Variants in PHACTR4 observed in about 807,000 individuals in gnomAD.
PHACTR4 encodes protein phosphatase 1, regulatory subunit 124.
In PHACTR4, 51 loss-of-function variants were observed where a neutral mutation model predicts 72.7. The observed-to-expected ratio is 0.70, with a 90% CI of 0.56 to 0.89. The LOEUF (loss-of-function observed/expected upper bound fraction) is 0.89. Ranked by LOEUF, PHACTR4 falls within the 40% of genes least tolerant of loss-of-function variation. PHACTR4 has a pLI of 0.00. For missense variants in PHACTR4, 731 were observed against 861.8 expected (o/e 0.85, Z 1.90); for synonymous variants, 255 against 302.5 (o/e 0.84, Z 1.63).
intron 8 of PHACTR4, among the ~76,000 whole-genome samples, chr1:28,478,979 C>T (rs1489307034): frequency 1.3e-5 from 2 of 152,094 alleles, no homozygotes; most frequent in East Asian, 3.9e-4. Context: ...GTACTAATTT[C>T]AGGTTTTTGT....
At chr1:28,468,314 G>A (rs548376365) in intron 6 of PHACTR4, among the ~76,000 whole-genome samples, 32 of 152,338 alleles carry the variant, frequency 2.1e-4, no homozygotes, top group Middle Eastern at 3.4e-3. Flanking sequence ...TTGTAGGCCA[G>A]GCGCAGTGGC....
At position 28,491,751 on chromosome 1, in the gene PHACTR4, C is replaced by T. The variant is rs369181567; in HGVS notation, c.1980C>T (p.Ala660=). 10 of 1,613,914 alleles carry T rather than the reference C, an allele frequency of 6.2e-6. No homozygotes were observed. The highest frequency in any genetic ancestry group is 1.3e-5 in the African/African-American group (1 of 74,882). ...VTDAQDYDRR[A]DKPWTKLTPA... is the part of the protein sequence containing the mutation. ...ATGCTCAAGATTATGACCGGCGAGC[C>T]GACAAACCTTGGACCAAACTGACCC... The change falls in exon 12 of 14, where the codon GCC becomes GCT. Residue 660 remains alanine, a synonymous_variant. Coordinates refer to ENST00000373839, the MANE Select transcript of PHACTR4 (RefSeq NM_001048183.3).
intron 4 of PHACTR4, among the ~76,000 whole-genome samples, chr1:28,462,380 C>G (rs1443770157): frequency 6.6e-6 from 1 of 151,892 alleles, no homozygotes; most frequent in Non-Finnish European, 1.5e-5. Context: ...GCTCACTTAT[C>G]ATAAACCACA....
intron 2 of PHACTR4, among the ~76,000 whole-genome samples, chr1:28,436,467 A>G (rs1454105106): frequency 6.6e-6 from 1 of 152,142 alleles, no homozygotes; most frequent in African/African-American, 2.4e-5. Context: ...TATTAGACAC[A>G]GGATTTGACC....
In PHACTR4 at chr1:28,460,266, G is replaced by T; in HGVS notation, c.245G>T (p.Gly82Val). Residue 82 changes from glycine (G) to valine (V), a missense_variant, in exon 4 of 14, where the codon GGG becomes GTG. Gly to Val is a moderately radical substitution (Grantham distance 109). Coordinates refer to ENST00000373839, the MANE Select transcript of PHACTR4 (RefSeq NM_001048183.3). ...CCAAGAGAAGAGCTGGTTAAAAGAGGGGTTCTGTTGGAAGACCCTGAGCAA... is the reference window on the plus strand; with the variant it reads ...CCAAGAGAAGAGCTGGTTAAAAGAGTGGTTCTGTTGGAAGACCCTGAGCAA... ...RKPREELVKR[G>V]VLLEDPEQGG... 1 of 1,613,648 alleles carries T rather than the reference G, an allele frequency of 6.2e-7. No individual in the cohort carries two copies. Among genetic ancestry groups the T allele is most frequent in the Non-Finnish European group, 8.5e-7 (1 of 1,179,742 alleles).
intron 1 of PHACTR4, among the ~76,000 whole-genome samples, chr1:28,389,775 C>G (rs1443231040): frequency 6.6e-6 from 1 of 152,124 alleles, no homozygotes; most frequent in African/African-American, 2.4e-5. Flanking sequence ...CCGCGCCTGG[C>G]CTGTACACTA....
intron 1 of PHACTR4, among the ~76,000 whole-genome samples, chr1:28,390,367 T>C (rs929097238): frequency 6.6e-6 from 1 of 152,208 alleles, no homozygotes; most frequent in Non-Finnish European, 1.5e-5. Flanking sequence ...AACTCAATCT[T>C]ACAATTCTCA....
At chr1:28,458,538 CT>C (rs951903802) in intron 2 of PHACTR4, among the ~76,000 whole-genome samples, 1 of 152,130 alleles carries the variant, frequency 6.6e-6, no homozygotes, top group African/African-American at 2.4e-5. Context: ...AATGTACCCG[CT>C]TTCTAATGCT....
intron 2 of PHACTR4, among the ~76,000 whole-genome samples, chr1:28,433,462 C>CTTTTTTTTTTTTTTTTTT (rs567134987): frequency 3.1e-5 from 4 of 130,530 alleles, no homozygotes; most frequent in African/African-American, 2.9e-5. Flanking sequence ...TTCTTTTTTT[C>CTTTTTTTTTTTTTTTTTT]TTTTTTTTTT....
In PHACTR4 at chr1:28,427,986, T is replaced by A. The variant is rs568248226; in HGVS notation, c.16+20523T>A. Among the ~76,000 whole-genome samples, 30 of 152,322 alleles carry A rather than the reference T, an allele frequency of 2.0e-4. No individual in the cohort carries two copies. In the South Asian group the frequency reaches 6.0e-3, roughly 31 times the overall value. ...TCACTACCCTTTCCATAGTAAAACATTTATTTCTTTGTGAGCTTCAAATCA... is the reference window on the plus strand; with the variant it reads ...TCACTACCCTTTCCATAGTAAAACAATTATTTCTTTGTGAGCTTCAAATCA... On this transcript the variant is annotated intron_variant, in intron 2 of 13. Coordinates refer to ENST00000373839, the MANE Select transcript of PHACTR4 (RefSeq NM_001048183.3).
At chr1:28,393,955 T>C (rs1653267897) in intron 1 of PHACTR4, among the ~76,000 whole-genome samples, 2 of 152,046 alleles carry the variant, frequency 1.3e-5, no homozygotes, top group Admixed American at 1.3e-4. Context: ...TCAAGCAGTT[T>C]GCTCACCTTG....
rs919846560 is a variant in PHACTR4, at chr1:28,400,488, G to A, written c.-38-6922G>A. 2.1e-4 allele frequency among the ~76,000 whole-genome samples: 32 copies of A among 152,130 alleles called. 1 individual carries two copies. The highest frequency in any genetic ancestry group is 4.8e-5 in the African/African-American group (2 of 41,418). On this transcript the variant is annotated intron_variant, in intron 1 of 13. Transcript: ENST00000373839. ...GCCAAAAAAAAGAGAAGCCAGGTGC[G>A]GTTTAAGGAAAGCAGTTTTATTAAT... is the stretch of plus-strand genomic sequence containing the variant.
chr1:28,398,247 G>C (rs916736885), intron 1 of PHACTR4, among the ~76,000 whole-genome samples: 1 of 152,146 alleles, frequency 6.6e-6, no homozygotes, highest in Non-Finnish European at 1.5e-5. Flanking sequence ...GTGGCTGGCC[G>C]GGGTGGCTCA....
chr1:28,484,452 T>G (rs1186315349), intron 9 of PHACTR4, among the ~76,000 whole-genome samples: 3 of 151,758 alleles, frequency 2.0e-5, no homozygotes, highest in Admixed American at 6.6e-5. Context: ...ATAGTTATAT[T>G]TAATATATTT....
chr1:28,387,020 T>C (rs1446312189), intron 1 of PHACTR4, among the ~76,000 whole-genome samples: 2 of 152,008 alleles, frequency 1.3e-5, no homozygotes, highest in East Asian at 3.9e-4. Flanking sequence ...CCCAGCACTT[T>C]GGGAGGTTGA....
chr1:28,373,194 A>G (rs760297772), intron 1 of PHACTR4, among the ~76,000 whole-genome samples: 7 of 152,054 alleles, frequency 4.6e-5, no homozygotes, highest in Non-Finnish European at 7.4e-5. Flanking sequence ...CCTGGACTCA[A>G]GCAGTCCTCC....
intron 8 of PHACTR4, among the ~76,000 whole-genome samples, chr1:28,477,901 T>C (rs1362302828): frequency 6.6e-6 from 1 of 151,944 alleles, no homozygotes; most frequent in Non-Finnish European, 1.5e-5. Context: ...TTGCCCAGGC[T>C]GGTCTCGAAC....
At chr1:28,441,195 T>C (rs1235122562) in intron 2 of PHACTR4, among the ~76,000 whole-genome samples, 1 of 152,112 alleles carries the variant, frequency 6.6e-6, no homozygotes, top group East Asian at 1.9e-4. Context: ...TTTTTAAAGA[T>C]TAAGGCATAC....
rs758969466 is a variant in PHACTR4 at position 28,460,295 on chromosome 1, G to T, written c.271+3G>T. On this transcript the variant is annotated splice_donor_region_variant and intron_variant, in intron 4 of 13. Transcript: ENST00000373839. ...TCTGTTGGAAGACCCTGAGCAAGGT[G>T]AGTTTACAAATAAATAGCATATGCC... 43 of 1,608,476 alleles carry T rather than the reference G, an allele frequency of 2.7e-5. No homozygotes were observed. The highest frequency in any genetic ancestry group is 3.6e-5 in the Non-Finnish European group (42 of 1,175,464).
Sources: gnomAD v4.1 joint callset for allele counts (sites outside exome capture counted in the v4.1 genomes callset) on GRCh38, gnomAD v4.1.1 for gene constraint, MANE v1.5 for transcripts, NCBI Gene and HGNC (gene_info 2026-07-23, HGNC 2026-07-21) for gene names.